Variants in B4GALNT2 observed in about 807,000 individuals in gnomAD.
B4GALNT2 encodes beta-1,4-N-acetyl-galactosaminyltransferase 2 (SID blood group), also known as N-acetylneuraminylgalactosylglucosyl-glucoside beta-1,4-N- acetylgalactosaminyltransferase 2.
Under a neutral mutation model 51.1 loss-of-function variants are expected in B4GALNT2, and 42 were observed. The observed-to-expected ratio is 0.82, with a 90% CI of 0.64 to 1.06. The LOEUF (loss-of-function observed/expected upper bound fraction) is 1.06, where lower values mean the gene tolerates loss of function less well. Ranked by LOEUF, B4GALNT2 falls within the 50% of genes least tolerant of loss-of-function variation. The probability of loss-of-function intolerance (pLI) is 0.00; values close to 1 mark genes in which losing one functional copy is unlikely to be tolerated. For synonymous variants in B4GALNT2, 253 were observed against 251.7 expected (o/e 1.01, Z -0.05); for missense variants, 602 against 633.6 (o/e 0.95, Z 0.54).
chr17:49,143,289 C>G (rs12103505), intron 3 of B4GALNT2, among the ~76,000 whole-genome samples: 2 of 122,090 alleles, frequency 1.6e-5, no homozygotes, highest in Non-Finnish European at 3.4e-5. Context: ...CAAACAACAA[C>G]AACAACAAAA....
At chr17:49,135,549 C>T (rs1484667093) in intron 1 of B4GALNT2, among the ~76,000 whole-genome samples, 2 of 151,954 alleles carry the variant, frequency 1.3e-5, no homozygotes, top group East Asian at 2.0e-4. Context: ...TGAGCCACCG[C>T]GCCCGGCCCA....
At chr17:49,156,444 C>T (rs577933671) in intron 4 of B4GALNT2, 122 bp from the exon 5 acceptor site, 60 of 1,014,352 alleles carry the variant, frequency 5.9e-5, no homozygotes, top group Middle Eastern at 4.2e-4. Context: ...ACACTCTGGG[C>T]GGGAGGTGAC....
intron 1 of B4GALNT2, among the ~76,000 whole-genome samples, chr17:49,138,519 C>T (rs572376218): frequency 1.6e-4 from 24 of 152,258 alleles, no homozygotes; most frequent in Non-Finnish European, 3.2e-4. Flanking sequence ...CTGTCATAAC[C>T]GAGAAAGCAG....
Position 49,136,537 on chromosome 17 carries a change from T to TA in B4GALNT2, c.14+3732dup, listed in dbSNP as rs529202210. The stretch of plus-strand genomic sequence containing the variant: ...ATTAGAGTTTATTTATTTATTTATT[T>TA]ATTTATTTATTTATTTATTTATTTT... On this transcript the variant is annotated intron_variant, in intron 1 of 10. Coordinates refer to ENST00000393354, the MANE Select transcript of B4GALNT2 (RefSeq NM_001159387.2). Among the ~76,000 whole-genome samples the TA allele has an allele frequency of 3.0e-3, 455 of 151,254 alleles. 2 individuals are homozygous for TA. Among genetic ancestry groups the TA allele is most frequent in the African/African-American group, 0.011 (437 of 41,312 alleles).
At chr17:49,151,878 C>A (rs2042759657) in intron 3 of B4GALNT2, among the ~76,000 whole-genome samples, 1 of 152,102 alleles carries the variant, frequency 6.6e-6, no homozygotes, top group South Asian at 2.1e-4. Context: ...ATTATTTCAG[C>A]GGTAGGAGAA....
chr17:49,152,991 T>C, intron 4 of B4GALNT2, 85 bp downstream of exon 4: 1 of 1,230,796 alleles, frequency 8.1e-7, no homozygotes, highest in Non-Finnish European at 1.2e-6. Context: ...GTGCAGTGGC[T>C]CATGCCTGTA....
intron 1 of B4GALNT2, among the ~76,000 whole-genome samples, chr17:49,138,506 C>G (rs1251345467): frequency 6.6e-6 from 1 of 152,246 alleles, no homozygotes; most frequent in Non-Finnish European, 1.5e-5. Context: ...TTGAATTCTG[C>G]ATCTGTCATA....
At chr17:49,141,910 A>T in intron 2 of B4GALNT2, 125 bp from the exon 3 acceptor site, 3 of 1,267,008 alleles carry the variant, frequency 2.4e-6, no homozygotes, top group Non-Finnish European at 3.3e-6. Context: ...TCATCATCTC[A>T]GAACAGTTGG....
At chr17:49,125,531 T>G in the B4GALNT2 span, among the ~76,000 whole-genome samples, 1 of 152,110 alleles carries the variant, frequency 6.6e-6, no homozygotes, top group African/African-American at 2.4e-5. Context: ...AAGGTCTGAC[T>G]TATCCCAGCA....
intron 10 of B4GALNT2, 72 bp from the exon 11 acceptor site, chr17:49,169,451 C>T: frequency 1.4e-6 from 2 of 1,442,438 alleles, no homozygotes; most frequent in African/African-American, 1.4e-5. Context: ...GACTCTCCCC[C>T]ACCAGACCTA....
chr17:49,141,846 C>T (rs1336781279), intron 2 of B4GALNT2, among the ~76,000 whole-genome samples, 189 bp from the exon 3 acceptor site: 1 of 152,054 alleles, frequency 6.6e-6, no homozygotes, highest in East Asian at 1.9e-4. Context: ...TCCCTGCTTC[C>T]CTCCCTTTGT....
chr17:49,166,380 G>T, intron 9 of B4GALNT2, 126 bp downstream of exon 9: 1 of 812,090 alleles, frequency 1.2e-6, no homozygotes, highest in Non-Finnish European at 1.9e-6. Flanking sequence ...GAGGGAGAGG[G>T]GCTGGTGCAG....
chr17:49,171,138 G>A lies in B4GALNT2; in HGVS notation c.*1410G>A, dbSNP rs78647107. On this transcript the variant is annotated 3_prime_UTR_variant, in exon 11 of 11. Transcript: ENST00000393354. ...GGGGCCAGTTTATGGCCAGATTTGG[G>A]GGCCTGTTCCCAACACGTTCCCCTT... The A allele has an allele frequency of 0.041, 8,505 of 209,888 alleles. 298 individuals carry two copies. The highest frequency in any genetic ancestry group is 0.11 in the East Asian group (659 of 6,102). The allele number at this position is 209,888 out of a possible 1,614,324, so 13.0% of individuals were successfully genotyped here.
intron 3 of B4GALNT2, chr17:49,148,807 C>T (rs1032789424): frequency 7.8e-5 from 27 of 345,306 alleles, no homozygotes; most frequent in Non-Finnish European, 5.9e-5. Flanking sequence ...CCTGTAATCC[C>T]GGCACTTTGG....
At chr17:49,166,399 T>A (rs2042912201) in intron 9 of B4GALNT2, 145 bp downstream of exon 9, 2 of 863,914 alleles carry the variant, frequency 2.3e-6, no homozygotes, top group Non-Finnish European at 3.4e-6. Flanking sequence ...AGGAGGTGAA[T>A]AGGCCAGTGC....
chr17:49,149,408 G>A (rs1232420667), intron 3 of B4GALNT2, among the ~76,000 whole-genome samples: 5 of 152,126 alleles, frequency 3.3e-5, no homozygotes, highest in African/African-American at 1.2e-4. Flanking sequence ...CACTTTGGGA[G>A]GCTGAGGTGG....
Position 49,173,133 on chromosome 17 carries a change from G to A in B4GALNT2, c.*3405G>A, listed in dbSNP as rs917765593. On this transcript the variant is annotated 3_prime_UTR_variant, in exon 11 of 11. Transcript: ENST00000393354. ...TGATTCCCTTCAGTTAAAGGTCCTGGAAGAGGTGTATGAGCCCTAATGTGA... is the reference window on the plus strand; with the variant it reads ...TGATTCCCTTCAGTTAAAGGTCCTGAAAGAGGTGTATGAGCCCTAATGTGA... 2 of 152,202 alleles carry A rather than the reference G, an allele frequency of 1.3e-5. No homozygotes were observed. The highest frequency in any genetic ancestry group is 2.9e-5 in the Non-Finnish European group (2 of 68,036). The allele number at this position is 152,202 out of a possible 1,614,324, so 9.4% of individuals were successfully genotyped here. A position where few individuals can be genotyped will look rare whatever the true frequency, so the allele number is the denominator to read the frequency against.
chr17:49,129,690 C>A (rs538843349), upstream of B4GALNT2, among the ~76,000 whole-genome samples: 1 of 142,702 alleles, frequency 7.0e-6, no homozygotes, highest in Admixed American at 7.2e-5. Flanking sequence ...CAGCTTATCA[C>A]AAGCTTGGAA....
chr17:49,155,664 CAT>C lies in B4GALNT2; in HGVS notation c.461-895_461-894del, dbSNP rs566922214. ...ATATTATATTAATGTTATATAAAAA[CAT>C]ATATATTATTATTTATAATATATAA... On this transcript the variant is annotated intron_variant, in intron 4 of 10. Transcript: ENST00000393354. Among the ~76,000 whole-genome samples, 618 of 148,064 alleles carry C rather than the reference CAT, an allele frequency of 4.2e-3. 2 individuals carry two copies. The highest frequency in any genetic ancestry group is 0.014 in the African/African-American group (588 of 40,836).
Sources: allele counts gnomAD v4.1 joint callset (sites outside exome capture counted in the v4.1 genomes callset), GRCh38; gene constraint gnomAD v4.1.1; transcripts MANE v1.5; gene names NCBI Gene and HGNC (gene_info 2026-07-23, HGNC 2026-07-21).